KCNH7: variants seen among roughly 807,000 people sequenced by gnomAD.
The protein encoded by KCNH7 is potassium voltage-gated channel subfamily H member 7, also known as voltage-gated inwardly rectifying potassium channel KCNH7.
Under a neutral mutation model 120.8 loss-of-function variants are expected in KCNH7, and 49 were observed. That is an observed-to-expected ratio of 0.41 (90% CI 0.32 to 0.51). KCNH7 has a LOEUF of 0.51. KCNH7 is among the 20% of genes least tolerant of loss of function. The pLI, the probability that KCNH7 is intolerant of heterozygous loss-of-function variation, is 0.38. For missense variants in KCNH7, 1,097 were observed against 1,446.6 expected, an observed-to-expected ratio of 0.76 and a Z score of 3.92; for synonymous variants, 547 against 516.1, an observed-to-expected ratio of 1.06 and a Z score of -0.81.
chr2:162,679,446 G>C (rs1275058718), intron 2 of KCNH7, among the ~76,000 whole-genome samples: 1 of 151,512 alleles, frequency 6.6e-6, no homozygotes, highest in Non-Finnish European at 1.5e-5. Context: ...TGGGAAGAGG[G>C]ATTATTAAAC....
intron 6 of KCNH7, among the ~76,000 whole-genome samples, chr2:162,466,393 C>T (rs1276804047): frequency 2.6e-5 from 4 of 152,132 alleles, no homozygotes; most frequent in Non-Finnish European, 5.9e-5. Context: ...GAAGTAAACA[C>T]GTCCTTCTAC....
intron 6 of KCNH7, among the ~76,000 whole-genome samples, chr2:162,458,971 C>T (rs890805696): frequency 6.6e-6 from 1 of 150,410 alleles, no homozygotes; most frequent in Non-Finnish European, 1.5e-5. Flanking sequence ...TGCACCACTG[C>T]ATTCCAGTCT....
At chr2:162,469,741 C>T (rs1689433920) in intron 6 of KCNH7, among the ~76,000 whole-genome samples, 1 of 151,342 alleles carries the variant, frequency 6.6e-6, no homozygotes, top group South Asian at 2.1e-4. Flanking sequence ...TTTCCATGGT[C>T]TCCCTCTGAT....
chr2:162,537,039 T>C lies in KCNH7; in HGVS notation c.349A>G (p.Asn117Asp), dbSNP rs1257661209. 1.2e-6 allele frequency: 2 copies of C among 1,612,676 alleles called. No homozygotes were observed. The highest frequency in any genetic ancestry group is 1.7e-6 in the Non-Finnish European group (2 of 1,179,048). Reference protein sequence around the residue: ...ICNTHIIPVKNQEGVAMMFII... With the variant: ...ICNTHIIPVKDQEGVAMMFII... ...AACATCATAGCCACGCCCTCTTGGT[T>C]TTTCACTGGAATTATGTGAGTGTTA... Residue 117 changes from asparagine (N) to aspartate (D), a missense_variant, in exon 3 of 16, where the codon AAC becomes GAC. Physicochemically the swap from Asn to Asp is conservative, Grantham distance 23. This residue lies in a region of KCNH7 where 362 missense variants were observed against 372.2 expected (regional missense o/e 0.97). Transcript: ENST00000332142.
chr2:162,828,931 C>A (rs1685381642), intron 2 of KCNH7, among the ~76,000 whole-genome samples: 1 of 152,090 alleles, frequency 6.6e-6, no homozygotes, highest in African/African-American at 2.4e-5. Flanking sequence ...ATGAAAAGGA[C>A]AAGTTTGCAC....
chr2:162,718,674 A>G (rs937265082), intron 2 of KCNH7, among the ~76,000 whole-genome samples: 15 of 151,980 alleles, frequency 9.9e-5, no homozygotes, highest in African/African-American at 3.6e-4. Flanking sequence ...ATGGAACAAC[A>G]CTCATTTTGA....
At chr2:162,611,716 G>A (rs1040905582) in intron 2 of KCNH7, among the ~76,000 whole-genome samples, 1 of 152,120 alleles carries the variant, frequency 6.6e-6, no homozygotes, top group African/African-American at 2.4e-5. Flanking sequence ...AGTTAAACCT[G>A]CAATTTTACC....
At chr2:162,619,746 C>A (rs1018176027) in intron 2 of KCNH7, among the ~76,000 whole-genome samples, 1 of 152,086 alleles carries the variant, frequency 6.6e-6, no homozygotes, top group Non-Finnish European at 1.5e-5. Context: ...CCAGATCCTG[C>A]AGGTTGCTCC....
intron 2 of KCNH7, among the ~76,000 whole-genome samples, chr2:162,668,838 G>A (rs1312995649): frequency 1.3e-5 from 2 of 152,094 alleles, no homozygotes; most frequent in Admixed American, 6.6e-5. Flanking sequence ...AAAAACCATC[G>A]TAAGTACATA....
chr2:162,408,582 T>G (rs563474700), intron 9 of KCNH7, among the ~76,000 whole-genome samples: 2 of 152,072 alleles, frequency 1.3e-5, no homozygotes, highest in African/African-American at 4.8e-5. Flanking sequence ...ATTACATCAT[T>G]CAATCATATC....
intron 6 of KCNH7, among the ~76,000 whole-genome samples, chr2:162,469,164 T>A (rs960982946): frequency 1.3e-5 from 2 of 152,210 alleles, no homozygotes; most frequent in Admixed American, 1.3e-4. Context: ...TATAGTACAT[T>A]TGAAAAGTTA....
At chr2:162,828,925 A>C (rs544673092) in intron 2 of KCNH7, among the ~76,000 whole-genome samples, 1 of 152,276 alleles carries the variant, frequency 6.6e-6, no homozygotes, top group Non-Finnish European at 1.5e-5. Context: ...GGAATCATGA[A>C]AAGGACAAGT....
At chr2:162,702,293 G>A (rs1241525832) in intron 2 of KCNH7, among the ~76,000 whole-genome samples, 1 of 152,068 alleles carries the variant, frequency 6.6e-6, no homozygotes, top group Admixed American at 6.6e-5. Context: ...CCTCCTTTCT[G>A]TTACAGTATT....
intron 9 of KCNH7, among the ~76,000 whole-genome samples, chr2:162,413,314 A>C (rs1040556757): frequency 6.6e-6 from 1 of 152,040 alleles, no homozygotes; most frequent in Admixed American, 6.6e-5. Context: ...TTTTTAGTAC[A>C]TGGGGTTTCA....
chr2:162,783,881 T>TA (rs903718136), intron 2 of KCNH7, among the ~76,000 whole-genome samples: 24 of 152,196 alleles, frequency 1.6e-4, no homozygotes, highest in Middle Eastern at 3.4e-3. Context: ...ATTTGAAATG[T>TA]AAAAAAATGT....
chr2:162,407,557 G>A (rs553908039), intron 9 of KCNH7, among the ~76,000 whole-genome samples: 3 of 151,992 alleles, frequency 2.0e-5, no homozygotes, highest in East Asian at 2.0e-4. Context: ...TGTTAATTCC[G>A]CAAAAGGCTG....
chr2:162,394,473 G>T lies in KCNH7; in HGVS notation c.2626C>A (p.Arg876=). 6.3e-7 allele frequency: 1 copy of T among 1,595,216 alleles called. No homozygotes were observed. The highest frequency in any genetic ancestry group is 8.6e-7 in the Non-Finnish European group (1 of 1,164,352). ...TCTGAATCATTCATGGATTGTGATC[G>T]TAGGAGATCAGCCTTTGTTAATGGA... is the stretch of plus-strand genomic sequence containing the variant. ...RHESAKADLL[R]SQSMNDSEGD... The change falls in exon 12 of 16, where the codon CGA becomes AGA. Residue 876 remains arginine, a synonymous_variant. Coordinates refer to ENST00000332142, the MANE Select transcript of KCNH7 (RefSeq NM_033272.4).
At chr2:162,625,988 C>T (rs1198526219) in intron 2 of KCNH7, among the ~76,000 whole-genome samples, 1 of 152,026 alleles carries the variant, frequency 6.6e-6, no homozygotes, top group Non-Finnish European at 1.5e-5. Context: ...GTGATATTGC[C>T]ACAGAGCTAG....
chr2:162,700,856 A>G (rs1686469541), intron 2 of KCNH7, among the ~76,000 whole-genome samples: 1 of 152,196 alleles, frequency 6.6e-6, no homozygotes. Flanking sequence ...TGATACAACA[A>G]ATCTGTTTTG....
Sources: gnomAD v4.1 joint callset for allele counts (sites outside exome capture counted in the v4.1 genomes callset) on GRCh38, gnomAD v4.1.1 for gene constraint, gnomAD v4.1.1 regional missense constraint, MANE v1.5 for transcripts, NCBI Gene and HGNC (gene_info 2026-07-23, HGNC 2026-07-21) for gene names.